Variants in CDKAL1 observed in about 807,000 individuals in gnomAD.
The protein encoded by CDKAL1 is CDKAL1 threonylcarbamoyladenosine tRNA methylthiotransferase.
CDKAL1 carries 32 observed loss-of-function variants against 68.2 expected under a neutral mutation model. The observed-to-expected ratio is 0.47, with a 90% CI of 0.35 to 0.63. The LOEUF (loss-of-function observed/expected upper bound fraction) is 0.63. Ranked by LOEUF, CDKAL1 falls within the 30% of genes least tolerant of loss-of-function variation. The probability of loss-of-function intolerance (pLI) is 0.00; values close to 1 mark genes in which losing one functional copy is unlikely to be tolerated. For synonymous variants in CDKAL1, 234 were observed against 244.3 expected (o/e 0.96, Z 0.39); for missense variants, 606 against 696.7 (o/e 0.87, Z 1.47).
chr6:20,690,962 G>A (rs547518848), intron 5 of CDKAL1, among the ~76,000 whole-genome samples: 20 of 152,256 alleles, frequency 1.3e-4, no homozygotes, highest in Middle Eastern at 3.4e-3. Flanking sequence ...TTGCTTATAT[G>A]GTGGTGAATA....
intron 13 of CDKAL1, among the ~76,000 whole-genome samples, chr6:21,178,393 G>T (rs2151083489): frequency 6.6e-6 from 1 of 152,276 alleles, no homozygotes; most frequent in South Asian, 2.1e-4. Flanking sequence ...TGATATTGGA[G>T]AAAATATGAA....
chr6:20,848,821 C>T (rs1177417264), intron 9 of CDKAL1, among the ~76,000 whole-genome samples: 1 of 148,184 alleles, frequency 6.7e-6, no homozygotes, highest in East Asian at 2.0e-4. Flanking sequence ...GACAGGGTCT[C>T]ACACTGTATC....
intron 13 of CDKAL1, among the ~76,000 whole-genome samples, chr6:21,182,178 A>G (rs1413856290): frequency 6.6e-6 from 1 of 152,236 alleles, no homozygotes; most frequent in East Asian, 1.9e-4. Context: ...TGTTATGAAG[A>G]TGATAACAAA....
intron 5 of CDKAL1, among the ~76,000 whole-genome samples, chr6:20,694,653 C>T (rs2206734): frequency 0.21 from 31,416 of 152,042 alleles, 3,435 homozygotes; most frequent in East Asian, 0.37. Flanking sequence ...ACATATATAC[C>T]GTAAACACCA....
At chr6:21,013,989 C>T (rs939604793) in intron 11 of CDKAL1, among the ~76,000 whole-genome samples, 9 of 152,210 alleles carry the variant, frequency 5.9e-5, no homozygotes, top group African/African-American at 1.9e-4. Flanking sequence ...TCCTGTTGCT[C>T]AGCTGTCCTC....
Position 20,713,187 on chromosome 6 carries a change from G to A in CDKAL1, c.372-26332G>A, listed in dbSNP as rs775467791. Among the ~76,000 whole-genome samples, 72 of 152,094 alleles carry A rather than the reference G, an allele frequency of 4.7e-4. 1 individual carries two copies. Among genetic ancestry groups the A allele is most frequent in the Non-Finnish European group, 7.6e-4 (52 of 68,016 alleles). ...TAATGCAAAGCATATACCTGGAATC[G>A]ACATTCTGCCATATCTTTACTTGCA... On this transcript the variant is annotated intron_variant, in intron 5 of 15. Coordinates refer to ENST00000274695, the MANE Select transcript of CDKAL1 (RefSeq NM_017774.3).
chr6:20,803,650 G>T (rs1776457412), intron 8 of CDKAL1, among the ~76,000 whole-genome samples: 1 of 152,150 alleles, frequency 6.6e-6, no homozygotes, highest in Non-Finnish European at 1.5e-5. Context: ...AGGAGATGAG[G>T]CATAGGGACA....
chr6:20,555,472 C>T (rs1459913701), intron 4 of CDKAL1, among the ~76,000 whole-genome samples: 1 of 151,858 alleles, frequency 6.6e-6, no homozygotes, highest in Non-Finnish European at 1.5e-5. Flanking sequence ...AGGCATGCAC[C>T]ACCACGCTCA....
chr6:21,102,325 G>A (rs1773618691), intron 12 of CDKAL1, among the ~76,000 whole-genome samples: 1 of 152,154 alleles, frequency 6.6e-6, no homozygotes, highest in South Asian at 2.1e-4. Context: ...AATGGGCCTA[G>A]CGTTGCCTAC....
In CDKAL1 at chr6:21,208,202, G is replaced by A. The variant is rs77793220; in HGVS notation, c.1548+6928G>A. 8.7e-3 allele frequency among the ~76,000 whole-genome samples: 1,320 copies of A among 152,166 alleles called. 16 individuals carry two copies. The highest frequency in any genetic ancestry group is 0.029 in the African/African-American group (1,215 of 41,510). ...TAGCTCAGCCCTGACACAGCCGACC[G>A]CGCTTGGAAAGGAAGCAGAAGTTTT... is the stretch of plus-strand genomic sequence containing the variant. On this transcript the variant is annotated intron_variant, in intron 15 of 15. Coordinates refer to ENST00000274695, the MANE Select transcript of CDKAL1 (RefSeq NM_017774.3).
At chr6:21,155,848 C>T (rs1423928100) in intron 13 of CDKAL1, among the ~76,000 whole-genome samples, 3 of 152,068 alleles carry the variant, frequency 2.0e-5, no homozygotes, top group Non-Finnish European at 2.9e-5. Flanking sequence ...GGGACAGGGA[C>T]GGATCTGAGT....
At chr6:20,669,913 G>C (rs1465964804) in intron 5 of CDKAL1, among the ~76,000 whole-genome samples, 2 of 151,862 alleles carry the variant, frequency 1.3e-5, no homozygotes, top group Non-Finnish European at 2.9e-5. Flanking sequence ...CTAAGACTTA[G>C]GAAATGTATG....
chr6:20,792,209 T>G (rs558672375), intron 8 of CDKAL1, among the ~76,000 whole-genome samples: 1 of 152,324 alleles, frequency 6.6e-6, no homozygotes. Context: ...TTTGTTTGGC[T>G]TTTTAAAAAG....
chr6:21,149,797 G>T (rs1429095146), intron 13 of CDKAL1, among the ~76,000 whole-genome samples: 1 of 152,150 alleles, frequency 6.6e-6, no homozygotes, highest in Non-Finnish European at 1.5e-5. Flanking sequence ...TATCAATCTT[G>T]AGTAATTCGG....
chr6:20,707,428 A>G (rs777787867), intron 5 of CDKAL1, among the ~76,000 whole-genome samples: 49 of 152,344 alleles, frequency 3.2e-4, no homozygotes, highest in Non-Finnish European at 5.0e-4. Context: ...ATAACATCTG[A>G]GTCTTTACAT....
chr6:20,690,549 T>C (rs1770825567), intron 5 of CDKAL1, among the ~76,000 whole-genome samples: 1 of 152,226 alleles, frequency 6.6e-6, no homozygotes, highest in African/African-American at 2.4e-5. Flanking sequence ...GCTTTTAGTA[T>C]TTCCAATTTT....
intron 13 of CDKAL1, among the ~76,000 whole-genome samples, chr6:21,141,634 A>G (rs1775914722): frequency 6.6e-6 from 1 of 152,234 alleles, no homozygotes; most frequent in African/African-American, 2.4e-5. Flanking sequence ...ATGCCAAGGA[A>G]GAGTCTTGGC....
intron 6 of CDKAL1, among the ~76,000 whole-genome samples, chr6:20,748,555 G>GGAAAAAAAAAAAAAAAAAAA (rs1773766913): frequency 3.5e-5 from 1 of 28,740 alleles, no homozygotes; most frequent in African/African-American, 1.2e-4. Flanking sequence ...TCTGTTTCTG[G>GGAAAAAAAAAAAAAAAAAAA]AAAAAAAAAA....
At chr6:20,919,594 T>C (rs1305064428) in intron 9 of CDKAL1, among the ~76,000 whole-genome samples, 1 of 152,184 alleles carries the variant, frequency 6.6e-6, no homozygotes, top group Non-Finnish European at 1.5e-5. Flanking sequence ...TTGTGATAAT[T>C]TGCTGAGAAT....
Sources: allele counts gnomAD v4.1 joint callset (sites outside exome capture counted in the v4.1 genomes callset), GRCh38; gene constraint gnomAD v4.1.1; transcripts MANE v1.5; gene names NCBI Gene and HGNC (gene_info 2026-07-23, HGNC 2026-07-21).